FGD4: variants seen among roughly 807,000 people sequenced by gnomAD.
FGD4 encodes FYVE, RhoGEF and PH domain containing 4.
Under a neutral mutation model 102.0 loss-of-function variants are expected in FGD4, and 42 were observed. The observed-to-expected ratio is 0.41, with a 90% confidence interval of 0.32 to 0.53. FGD4 has a LOEUF of 0.53. Ranked by LOEUF, FGD4 falls within the 20% of genes least tolerant of loss-of-function variation. The probability of loss-of-function intolerance (pLI) is 0.21; values close to 1 mark genes in which losing one functional copy is unlikely to be tolerated. For missense variants in FGD4, 902 were observed against 1,078.2 expected, an observed-to-expected ratio of 0.84 and a Z score of 2.29; for synonymous variants, 380 against 375.7, an observed-to-expected ratio of 1.01 and a Z score of -0.13.
intron 11 of FGD4, among the ~76,000 whole-genome samples, chr12:32,623,853 CTCCT>C (rs1426518280): frequency 6.6e-6 from 1 of 152,152 alleles, no homozygotes; most frequent in Non-Finnish European, 1.5e-5. Flanking sequence ...TCTGTAAAAC[CTCCT>C]TCCTACAGGC....
intron 4 of FGD4, among the ~76,000 whole-genome samples, chr12:32,593,062 G>T (rs1288630494): frequency 6.6e-6 from 1 of 152,116 alleles, no homozygotes; most frequent in African/African-American, 2.4e-5. Flanking sequence ...TTGCCTATAT[G>T]ATACAGTTAC....
In FGD4 at chr12:32,506,823, A is replaced by C. The variant is rs961267559; in HGVS notation, c.167-57314A>C. Among the ~76,000 whole-genome samples, 1 of 152,206 alleles carries C rather than the reference A, an allele frequency of 6.6e-6. No homozygotes were observed. The highest frequency in any genetic ancestry group is 1.5e-5 in the Non-Finnish European group (1 of 68,030). On this transcript the variant is annotated intron_variant, in intron 1 of 16. Transcript: ENST00000534526. The surrounding 1 kb of genome is among the most constrained non-coding windows in gnomAD (Gnocchi z 4.5). Reference sequence around the variant, plus strand: ...TAGTAGTGGGAAGAGACAGAATACAAAAGTAAAGAGATAAGTAAACAACAT... The same window carrying C: ...TAGTAGTGGGAAGAGACAGAATACACAAGTAAAGAGATAAGTAAACAACAT...
chr12:32,410,727 A>C (rs1164116187), intron 1 of FGD4, among the ~76,000 whole-genome samples: 3 of 152,066 alleles, frequency 2.0e-5, no homozygotes, highest in African/African-American at 7.2e-5. Context: ...CATCAACTGC[A>C]GTGTCTGTGG....
At chr12:32,547,315 C>T (rs1021443801) in intron 1 of FGD4, among the ~76,000 whole-genome samples, 5 of 152,130 alleles carry the variant, frequency 3.3e-5, no homozygotes, top group Admixed American at 3.3e-4. Flanking sequence ...TGGCATACAC[C>T]TGTAGTCCCA....
At chr12:32,619,164 C>T (rs1949637924) in intron 10 of FGD4, among the ~76,000 whole-genome samples, 1 of 151,954 alleles carries the variant, frequency 6.6e-6, no homozygotes, top group Non-Finnish European at 1.5e-5. Flanking sequence ...ACATAAATAT[C>T]AATAAAATAT....
At chr12:32,591,901 T>C (rs57077362) in intron 4 of FGD4, among the ~76,000 whole-genome samples, 7,919 of 152,218 alleles carry the variant, frequency 0.052, 704 homozygotes, top group African/African-American at 0.18. Flanking sequence ...GGAAGTGCAT[T>C]ACACAGAAAG....
intron 1 of FGD4, among the ~76,000 whole-genome samples, chr12:32,459,847 C>T (rs950244123): frequency 2.6e-5 from 4 of 151,932 alleles, no homozygotes; most frequent in East Asian, 1.9e-4. Context: ...TACAGGCATA[C>T]GGCACTGCAT....
chr12:32,530,991 C>T (rs1463190804), intron 1 of FGD4, among the ~76,000 whole-genome samples: 2 of 110,486 alleles, frequency 1.8e-5, no homozygotes, highest in African/African-American at 7.3e-5. Flanking sequence ...CTTGCTCTGT[C>T]GCCAGGCTGG....
intron 1 of FGD4, among the ~76,000 whole-genome samples, chr12:32,495,992 G>A (rs1937794891): frequency 6.6e-6 from 1 of 152,090 alleles, no homozygotes; most frequent in Admixed American, 6.5e-5. Context: ...TTCTTTCTGG[G>A]GTTTGGGCTT....
Position 32,640,338 on chromosome 12 carries a change from C to T in FGD4, c.2517C>T (p.Ser839=), listed in dbSNP as rs777555137. 9.4e-5 allele frequency: 152 copies of T among 1,614,048 alleles called. No individual in the cohort carries two copies. Among genetic ancestry groups the T allele is most frequent in the Non-Finnish European group, 7.4e-5 (87 of 1,180,026 alleles). Reference sequence around the variant, plus strand: ...ATGTGGTGGATGAAATGCCAAGGAGCGCAGACCTGCCACACAGTTTCAAAC... The same window carrying T: ...ATGTGGTGGATGAAATGCCAAGGAGTGCAGACCTGCCACACAGTTTCAAAC... ...LGYVVDEMPR[S]ADLPHSFKLT... is the part of the protein sequence containing the mutation. The change falls in exon 17 of 17, where the codon AGC becomes AGT. Residue 839 remains serine, a synonymous_variant. Transcript: ENST00000534526.
chr12:32,625,539 G>A, intron 13 of FGD4, 115 bp from the exon 14 acceptor site: 1 of 1,344,188 alleles, frequency 7.4e-7, no homozygotes, highest in Non-Finnish European at 1.0e-6. Context: ...GAAAGTGCTG[G>A]GATTATAGTT....
intron 1 of FGD4, chr12:32,502,152 G>T: frequency 2.0e-6 from 2 of 985,472 alleles, no homozygotes; most frequent in Non-Finnish European, 1.2e-6. Context: ...ACTCCCCACC[G>T]GAATGTGATT....
At chr12:32,606,980 C>G (rs1341026502) in intron 7 of FGD4, among the ~76,000 whole-genome samples, 2 of 152,120 alleles carry the variant, frequency 1.3e-5, no homozygotes, top group African/African-American at 4.8e-5. Flanking sequence ...TTTTTAAGTT[C>G]AAAGGCAATG....
chr12:32,501,980 G>C (rs1938250580), intron 1 of FGD4: 1 of 968,886 alleles, frequency 1.0e-6, no homozygotes, highest in Admixed American at 6.2e-5. Context: ...CCAAACACCT[G>C]CTAGGCAAGC....
At chr12:32,548,002 G>A (rs1943365692) in intron 1 of FGD4, among the ~76,000 whole-genome samples, 2 of 152,044 alleles carry the variant, frequency 1.3e-5, no homozygotes, top group Non-Finnish European at 1.5e-5. Context: ...CACTGCACCC[G>A]GCCTCAAGTT....
intron 2 of FGD4, among the ~76,000 whole-genome samples, chr12:32,566,594 A>G (rs543578966): frequency 6.6e-6 from 1 of 152,174 alleles, no homozygotes; most frequent in South Asian, 2.1e-4. Flanking sequence ...GCAGGGACCA[A>G]CGTCCCTGAA....
intron 1 of FGD4, among the ~76,000 whole-genome samples, chr12:32,472,696 C>A (rs1234942671): frequency 1.3e-5 from 2 of 152,258 alleles, no homozygotes; most frequent in Non-Finnish European, 2.9e-5. Flanking sequence ...GCAGGACTGG[C>A]AGGCAGCTCC....
At chr12:32,575,430 A>G (rs1009767484) in intron 2 of FGD4, among the ~76,000 whole-genome samples, 4 of 152,166 alleles carry the variant, frequency 2.6e-5, no homozygotes, top group Non-Finnish European at 5.9e-5. Flanking sequence ...TCTTTTTAAT[A>G]ACCAGTCTTG....
chr12:32,573,823 TCTC>T (rs540186543), intron 2 of FGD4, among the ~76,000 whole-genome samples: 136 of 152,298 alleles, frequency 8.9e-4, no homozygotes, highest in Non-Finnish European at 1.7e-3. Context: ...TAGTATATGA[TCTC>T]CTTGATGACA....
Sources: gnomAD v4.1 joint callset for allele counts (sites outside exome capture counted in the v4.1 genomes callset) on GRCh38, gnomAD v4.1.1 for gene constraint, Gnocchi (gnomAD v3.1) non-coding constraint, MANE v1.5 for transcripts, NCBI Gene and HGNC (gene_info 2026-07-23, HGNC 2026-07-21) for gene names.